HIP1: variants seen among roughly 807,000 people sequenced by gnomAD.
HIP1 encodes huntingtin interacting protein 1.
Under a neutral mutation model 147.6 loss-of-function variants are expected in HIP1, and 65 were observed. The ratio of observed to expected loss-of-function variants is 0.44; its 90% confidence interval spans 0.36 to 0.54. The LOEUF (loss-of-function observed/expected upper bound fraction) is 0.54, where lower values mean the gene tolerates loss of function less well. HIP1 is among the 20% of genes least tolerant of loss of function. The pLI is 0.00. For missense variants in HIP1, 1,061 were observed against 1,299.6 expected (o/e 0.82, Z 2.82); for synonymous variants, 479 against 504.0 (o/e 0.95, Z 0.67).
intron 1 of HIP1, among the ~76,000 whole-genome samples, chr7:75,731,872 C>T (rs782316031): frequency 3.9e-5 from 6 of 152,102 alleles, no homozygotes; most frequent in Non-Finnish European, 7.4e-5. Flanking sequence ...TGGGACTTTA[C>T]AAAATGTCAA....
chr7:75,592,297 CCTCTGTGGCCCAGGCAGTCA>C lies in HIP1; in HGVS notation c.327+55_327+74del, dbSNP rs1554500949. 8 of 1,528,790 alleles carry C rather than the reference CCTCTGTGGCCCAGGCAGTCA, an allele frequency of 5.2e-6. No individual in the cohort carries two copies. In the Admixed American group the frequency reaches 1.5e-4, roughly 29 times the overall value. 94.7% of individuals were successfully genotyped at this position (1,528,790 alleles called of 1,614,324 possible). A position where few individuals can be genotyped will look rare whatever the true frequency, so the allele number is the denominator to read the frequency against. ...GGGGCAGTGTGGGAGAGGACAGCAG[CCTCTGTGGCCCAGGCAGTCA>C]CTTTCCCCACAAGGATCCCTGGCTC... On this transcript the variant is annotated intron_variant, in intron 3 of 30. Coordinates refer to ENST00000336926, the MANE Select transcript of HIP1 (RefSeq NM_005338.7).
intron 1 of HIP1, among the ~76,000 whole-genome samples, chr7:75,628,194 G>A (rs587770757): frequency 6.6e-6 from 1 of 152,242 alleles, no homozygotes; most frequent in South Asian, 2.1e-4. Context: ...GTCCCTGCAG[G>A]AGCTCAGCTC....
intron 25 of HIP1, among the ~76,000 whole-genome samples, chr7:75,546,430 AGCTGCGGCG>A (rs1728344279): frequency 6.6e-6 from 1 of 152,126 alleles, no homozygotes; most frequent in African/African-American, 2.4e-5. Flanking sequence ...ACGCCTCCCG[AGCTGCGGCG>A]GCATATGGGG....
chr7:75,597,433 C>T (rs1450940452), intron 2 of HIP1, among the ~76,000 whole-genome samples: 3 of 152,174 alleles, frequency 2.0e-5, no homozygotes, highest in Admixed American at 6.6e-5. Context: ...GAAGTCCAGC[C>T]TCTGAGGCTG....
At chr7:75,675,366 A>C (rs1799858008) in intron 1 of HIP1, among the ~76,000 whole-genome samples, 1 of 151,988 alleles carries the variant, frequency 6.6e-6, no homozygotes. Context: ...ACACCCAGCT[A>C]ATTTTTGTAT....
intron 1 of HIP1, among the ~76,000 whole-genome samples, chr7:75,660,979 A>T (rs2117212285): frequency 6.6e-6 from 1 of 152,240 alleles, no homozygotes; most frequent in African/African-American, 2.4e-5. Flanking sequence ...GCAGCAAAAA[A>T]AATCAAGAGA....
At chr7:75,538,278 C>A (rs2069602735) in intron 30 of HIP1, 54 bp from the exon 31 acceptor site, 1 of 1,407,928 alleles carries the variant, frequency 7.1e-7, no homozygotes, top group Non-Finnish European at 1.0e-6. Flanking sequence ...CATTCATTCA[C>A]TTAACCAACA....
chr7:75,697,979 GT>G (rs1345780622), intron 1 of HIP1, among the ~76,000 whole-genome samples: 1 of 152,046 alleles, frequency 6.6e-6, no homozygotes, highest in African/African-American at 2.4e-5. Context: ...TCTTAGTAAA[GT>G]TTTATAATTT....
chr7:75,729,803 AC>A (rs1554522782), intron 1 of HIP1, among the ~76,000 whole-genome samples: 2 of 152,020 alleles, frequency 1.3e-5, no homozygotes, highest in East Asian at 3.9e-4. Context: ...AAACAAACAA[AC>A]AAACAAAAAT....
chr7:75,704,395 G>C (rs879997812), intron 1 of HIP1, among the ~76,000 whole-genome samples: 1 of 151,566 alleles, frequency 6.6e-6, no homozygotes, highest in African/African-American at 2.4e-5. Flanking sequence ...CAGGCGCCCA[G>C]CACCACGCCT....
intron 1 of HIP1, among the ~76,000 whole-genome samples, chr7:75,599,938 C>T (rs1554502688): frequency 6.7e-6 from 1 of 150,330 alleles, no homozygotes; most frequent in Admixed American, 6.7e-5. Context: ...CGGGTTCAAG[C>T]GATTCTCCCG....
At chr7:75,556,686 CA>C (rs781922095) in intron 17 of HIP1, 23 bp downstream of exon 17, 53,063 of 988,024 alleles carry the variant, frequency 0.054, 46 homozygotes, top group South Asian at 0.071. Flanking sequence ...ACTCTATCTC[CA>C]AAAAAAAAAA....
At chr7:75,601,790 A>G (rs1554502993) in intron 1 of HIP1, among the ~76,000 whole-genome samples, 1 of 152,092 alleles carries the variant, frequency 6.6e-6, no homozygotes, top group Admixed American at 6.6e-5. Context: ...AATATTTACT[A>G]ACTGGCTCTT....
chr7:75,596,489 T>C lies in HIP1; in HGVS notation c.184+2695A>G, dbSNP rs1036572111. Among the ~76,000 whole-genome samples the C allele has an allele frequency of 8.5e-5, 13 of 152,048 alleles. 1 individual carries two copies. The highest frequency in any genetic ancestry group is 5.9e-4 in the Admixed American group (9 of 15,248). On this transcript the variant is annotated intron_variant, in intron 2 of 30. Coordinates refer to ENST00000336926, the MANE Select transcript of HIP1 (RefSeq NM_005338.7). ...GCAACCTCTGCCTCCCAGGTTCAAG[T>C]GATTCTCCTGCCACAGCCTCCCAAG... is the stretch of plus-strand genomic sequence containing the variant.
At chr7:75,574,248 A>G (rs587598009) in intron 7 of HIP1, among the ~76,000 whole-genome samples, 21 of 146,226 alleles carry the variant, frequency 1.4e-4, no homozygotes, top group African/African-American at 5.1e-4. Context: ...AGCCAAGATC[A>G]TGCTATTGCA....
At chr7:75,612,827 A>T (rs1204186734) in intron 1 of HIP1, among the ~76,000 whole-genome samples, 5 of 151,070 alleles carry the variant, frequency 3.3e-5, no homozygotes, top group African/African-American at 9.7e-5. Context: ...AATAATAATA[A>T]TTTTTTTAAA....
intron 18 of HIP1, 136 bp downstream of exon 18, chr7:75,555,890 C>T (rs1794983418): frequency 1.9e-6 from 2 of 1,061,790 alleles, no homozygotes; most frequent in Admixed American, 4.4e-5. Context: ...ATTACACCTA[C>T]AGAATGTCTG....
intron 1 of HIP1, among the ~76,000 whole-genome samples, chr7:75,736,262 A>T (rs1298303010): frequency 6.6e-6 from 1 of 150,656 alleles, no homozygotes; most frequent in Non-Finnish European, 1.5e-5. Context: ...GAAACATACC[A>T]CTCACGGGTG....
intron 1 of HIP1, among the ~76,000 whole-genome samples, chr7:75,632,991 C>T (rs1332465644): frequency 6.6e-6 from 1 of 152,048 alleles, no homozygotes; most frequent in African/African-American, 2.4e-5. Context: ...GAATAATGCA[C>T]ACTGGGGTCT....
Sources: gnomAD v4.1 joint callset for allele counts (sites outside exome capture counted in the v4.1 genomes callset) on GRCh38, gnomAD v4.1.1 for gene constraint, MANE v1.5 for transcripts, NCBI Gene and HGNC (gene_info 2026-07-23, HGNC 2026-07-21) for gene names.